TBL1XR1: variants seen among roughly 807,000 people sequenced by gnomAD.
The protein encoded by TBL1XR1 is F-box-like/WD repeat-containing protein TBL1XR1.
A neutral mutation model predicts 66.9 loss-of-function variants in TBL1XR1; 5 were observed. The observed-to-expected ratio is 0.07, with a 90% CI of 0.04 to 0.16. The LOEUF is 0.16. Among genes scored for constraint, TBL1XR1 ranks in the 10% least tolerant of loss-of-function variants. TBL1XR1 has a pLI of 1.00. For missense variants in TBL1XR1, 238 were observed against 623.2 expected, an observed-to-expected ratio of 0.38 and a Z score of 6.58; for synonymous variants, 210 against 206.0, an observed-to-expected ratio of 1.02 and a Z score of -0.17.
At chr3:177,031,290 G>A (rs917932265) in intron 14 of TBL1XR1, among the ~76,000 whole-genome samples, 5 of 151,714 alleles carry the variant, frequency 3.3e-5, no homozygotes, top group African/African-American at 9.7e-5. Context: ...GGGAGTAGAG[G>A]TAAGGAAGTA....
chr3:177,073,219 G>C (rs1441663772), intron 2 of TBL1XR1, among the ~76,000 whole-genome samples: 1 of 152,112 alleles, frequency 6.6e-6, no homozygotes, highest in Non-Finnish European at 1.5e-5. Flanking sequence ...CAAAATGTTT[G>C]AGACCTATTG....
chr3:177,162,321 G>A (rs1404671035), intron 1 of TBL1XR1, among the ~76,000 whole-genome samples: 2 of 152,176 alleles, frequency 1.3e-5, no homozygotes, highest in African/African-American at 2.4e-5. Context: ...TCAATACAGT[G>A]GTTACCTTTG....
chr3:177,092,100 G>A (rs954296882), intron 2 of TBL1XR1, among the ~76,000 whole-genome samples: 3 of 152,126 alleles, frequency 2.0e-5, no homozygotes, highest in Admixed American at 6.5e-5. Context: ...CAGTATAACG[G>A]TTTAGCGCTC....
intron 1 of TBL1XR1, among the ~76,000 whole-genome samples, chr3:177,114,548 G>T (rs548165341): frequency 6.6e-6 from 1 of 151,846 alleles, no homozygotes; most frequent in South Asian, 2.1e-4. Flanking sequence ...AGATCCTCCT[G>T]CCTTGGCCTC....
chr3:177,178,265 C>G (rs1348826635), intron 1 of TBL1XR1, among the ~76,000 whole-genome samples: 3 of 152,060 alleles, frequency 2.0e-5, no homozygotes, highest in Admixed American at 6.6e-5. Flanking sequence ...TGAGTGTGAT[C>G]AAAAACCCTT....
chr3:177,182,858 ACTT>A (rs1171696770), intron 1 of TBL1XR1, among the ~76,000 whole-genome samples: 13 of 152,272 alleles, frequency 8.5e-5, no homozygotes, highest in Non-Finnish European at 1.3e-4. Flanking sequence ...AATTATCCAA[ACTT>A]CTTCTCTAAT....
chr3:177,148,475 G>A (rs1014555113), intron 1 of TBL1XR1, among the ~76,000 whole-genome samples: 1 of 152,154 alleles, frequency 6.6e-6, no homozygotes, highest in Admixed American at 6.5e-5. Flanking sequence ...CAGCACTTTG[G>A]GAGGCTGAGG....
At chr3:177,114,379 C>A (rs529891294) in intron 1 of TBL1XR1, among the ~76,000 whole-genome samples, 2 of 152,080 alleles carry the variant, frequency 1.3e-5, no homozygotes, top group South Asian at 2.1e-4. Flanking sequence ...TCATAGCTCA[C>A]TGCAGCCTTG....
rs1392664563 is a variant in TBL1XR1, at chr3:177,021,516, C to T, written c.*3982G>A. On this transcript the variant is annotated 3_prime_UTR_variant, in exon 16 of 16. Transcript: ENST00000457928. ...AATCAGTGTATTAAAAAAGTGAACA[C>T]TTCCTCTTTCTTCTCTCTTCTACAT... 1.3e-5 allele frequency: 2 copies of T among 152,514 alleles called. No individual in the cohort carries two copies. The highest frequency in any genetic ancestry group is 2.4e-5 in the African/African-American group (1 of 41,430). 9.4% of individuals were successfully genotyped at this position (152,514 alleles called of 1,614,324 possible).
At chr3:177,070,280 A>G (rs1379663515) in intron 2 of TBL1XR1, among the ~76,000 whole-genome samples, 1 of 152,234 alleles carries the variant, frequency 6.6e-6, no homozygotes, top group Non-Finnish European at 1.5e-5. Flanking sequence ...TCCTAAATGT[A>G]TAAAAGTGAT....
At chr3:177,095,836 G>A (rs963154359) in intron 2 of TBL1XR1, among the ~76,000 whole-genome samples, 6 of 151,810 alleles carry the variant, frequency 4.0e-5, no homozygotes, top group African/African-American at 1.2e-4. Flanking sequence ...GAAGAGTGAA[G>A]GCAAAAAAGG....
chr3:177,174,265 C>T (rs963352582), intron 1 of TBL1XR1, among the ~76,000 whole-genome samples: 3 of 151,814 alleles, frequency 2.0e-5, no homozygotes, highest in African/African-American at 4.8e-5. Flanking sequence ...AAAAATTAGC[C>T]GGCCGGAGTG....
At chr3:177,114,497 C>T (rs1462187001) in intron 1 of TBL1XR1, among the ~76,000 whole-genome samples, 2 of 151,868 alleles carry the variant, frequency 1.3e-5, no homozygotes, top group African/African-American at 4.8e-5. Flanking sequence ...GACGGGCCCT[C>T]ACACTGTTGT....
At chr3:177,198,193 C>T (rs1453556601), upstream of TBL1XR1, among the ~76,000 whole-genome samples, 3 of 152,124 alleles carry the variant, frequency 2.0e-5, no homozygotes, top group Non-Finnish European at 4.4e-5. Context: ...AAATGTGATC[C>T]AGAGCACGGG....
intron 1 of TBL1XR1, among the ~76,000 whole-genome samples, chr3:177,160,627 T>C (rs542545120): frequency 6.6e-6 from 1 of 152,242 alleles, no homozygotes; most frequent in South Asian, 2.1e-4. Flanking sequence ...CAATGAATTC[T>C]TTTTCTTCAA....
intron 3 of TBL1XR1, among the ~76,000 whole-genome samples, chr3:177,060,270 T>C (rs192402334): frequency 4.7e-4 from 71 of 152,314 alleles, no homozygotes; most frequent in African/African-American, 1.6e-3. Flanking sequence ...TTCCTTCTTA[T>C]ATATCACCTT....
chr3:177,117,507 A>C (rs1050704246), intron 1 of TBL1XR1, among the ~76,000 whole-genome samples: 4 of 152,206 alleles, frequency 2.6e-5, no homozygotes, highest in African/African-American at 4.8e-5. Flanking sequence ...AATAATGTTA[A>C]AACAGTCATA....
At chr3:177,112,107 A>ATATTTTTT in intron 1 of TBL1XR1, among the ~76,000 whole-genome samples, 8 of 37,652 alleles carry the variant, frequency 2.1e-4, no homozygotes, top group South Asian at 1.1e-3. Context: ...ATATATATAT[A>ATATTTTTT]TTTTTTTTTT....
rs184908741 is a variant in TBL1XR1, at chr3:177,165,211, A to G, written c.-122+31910T>C. Among the ~76,000 whole-genome samples the G allele has an allele frequency of 1.6e-4, 25 of 152,348 alleles. No homozygotes were observed. In the East Asian group the frequency reaches 2.3e-3, roughly 14 times the overall value. ...TAAGCAATTACAGTAAGCTTGCAGG[A>G]TACAAGGTTAGTATACAAAAGTCAA... On this transcript the variant is annotated intron_variant, in intron 1 of 15. Transcript: ENST00000457928.
Sources: gnomAD v4.1 joint callset for allele counts (sites outside exome capture counted in the v4.1 genomes callset) on GRCh38, gnomAD v4.1.1 for gene constraint, MANE v1.5 for transcripts, NCBI Gene and HGNC (gene_info 2026-07-23, HGNC 2026-07-21) for gene names.